NFIB: variants seen among roughly 807,000 people sequenced by gnomAD.
NFIB encodes the protein nuclear factor 1 B-type.
Under a neutral mutation model 61.5 loss-of-function variants are expected in NFIB, and 11 were observed. The observed-to-expected ratio is 0.18, with a 90% CI of 0.11 to 0.30. The LOEUF (loss-of-function observed/expected upper bound fraction) is 0.30. Among genes scored for constraint, NFIB ranks in the 10% least tolerant of loss-of-function variants. NFIB has a pLI of 1.00. For missense variants in NFIB, 471 were observed against 608.9 expected, an observed-to-expected ratio of 0.77 and a Z score of 2.38; for synonymous variants, 260 against 216.5, an observed-to-expected ratio of 1.20 and a Z score of -1.76.
At chr9:14,355,827 G>T (rs1454241421) in intron 1 of NFIB, among the ~76,000 whole-genome samples, 1 of 152,054 alleles carries the variant, frequency 6.6e-6, no homozygotes, top group Non-Finnish European at 1.5e-5. Context: ...CGTGGTGGCG[G>T]GTGCCTGTAG....
At chr9:14,424,071 A>G in the NFIB span, among the ~76,000 whole-genome samples, 2 of 152,102 alleles carry the variant, frequency 1.3e-5, no homozygotes, top group African/African-American at 4.8e-5. Flanking sequence ...AAGCTCTTTT[A>G]AGTTCCAGTC....
chr9:14,468,206 G>A, the NFIB span, among the ~76,000 whole-genome samples: 1 of 152,244 alleles, frequency 6.6e-6, no homozygotes, highest in Non-Finnish European at 1.5e-5. Context: ...GGTTGTATAA[G>A]AGAGTATTTA....
chr9:14,139,559 T>G (rs1051835270), intron 6 of NFIB, among the ~76,000 whole-genome samples: 4 of 152,182 alleles, frequency 2.6e-5, no homozygotes, highest in African/African-American at 9.7e-5. Flanking sequence ...TTTTTCAAAC[T>G]AATTATCTAT....
chr9:14,093,688 G>A (rs534058675), intron 10 of NFIB, among the ~76,000 whole-genome samples: 1 of 152,078 alleles, frequency 6.6e-6, no homozygotes, highest in Non-Finnish European at 1.5e-5. Flanking sequence ...AGCATTTCTT[G>A]TAAAATGCAC....
At chr9:14,376,039 T>C (rs4741366) in intron 1 of NFIB, among the ~76,000 whole-genome samples, 40,016 of 152,126 alleles carry the variant, frequency 0.26, 6,408 homozygotes, top group South Asian at 0.44. Context: ...TTCATTTGAG[T>C]AGTTTAAGCT....
intron 6 of NFIB, among the ~76,000 whole-genome samples, chr9:14,144,342 C>T (rs562626588): frequency 6.6e-6 from 1 of 152,100 alleles, no homozygotes; most frequent in Admixed American, 6.6e-5. Context: ...AGGTTATTAC[C>T]ATTAAAATCT....
chr9:14,479,247 A>AG, the NFIB span, among the ~76,000 whole-genome samples: 2 of 152,204 alleles, frequency 1.3e-5, no homozygotes, highest in Non-Finnish European at 2.9e-5. Context: ...GGGGGATTGC[A>AG]GGGGGCTCTG....
chr9:14,113,733 A>C (rs540101781), intron 9 of NFIB, among the ~76,000 whole-genome samples: 1 of 152,344 alleles, frequency 6.6e-6, no homozygotes, highest in Non-Finnish European at 1.5e-5. Context: ...TACAAAAATC[A>C]ATTACTTGTA....
At chr9:14,413,390 G>C in the NFIB span, among the ~76,000 whole-genome samples, 1 of 152,126 alleles carries the variant, frequency 6.6e-6, no homozygotes, top group Non-Finnish European at 1.5e-5. Context: ...TTTTTAGAGG[G>C]AATACATAGC....
intron 2 of NFIB, among the ~76,000 whole-genome samples, chr9:14,292,367 G>C (rs996534397): frequency 2.6e-5 from 4 of 151,942 alleles, no homozygotes; most frequent in African/African-American, 9.7e-5. Context: ...GTTAACTATT[G>C]GACTTTGAAA....
the NFIB span, among the ~76,000 whole-genome samples, chr9:14,461,389 C>A: frequency 6.6e-6 from 1 of 152,176 alleles, no homozygotes; most frequent in African/African-American, 2.4e-5. Flanking sequence ...ATAGATGTGT[C>A]ATAGCCAACT....
At chr9:14,449,083 T>G in the NFIB span, among the ~76,000 whole-genome samples, 1 of 152,218 alleles carries the variant, frequency 6.6e-6, no homozygotes, top group East Asian at 1.9e-4. Context: ...TTGATGCAAT[T>G]TGATGCAATT....
chr9:14,446,571 G>C, the NFIB span, among the ~76,000 whole-genome samples: 8 of 151,676 alleles, frequency 5.3e-5, no homozygotes, highest in Non-Finnish European at 5.9e-5. Context: ...TCTACTTTTG[G>C]TTTGTAGCAG....
chr9:14,370,096 G>A (rs1014299443), intron 1 of NFIB, among the ~76,000 whole-genome samples: 2 of 152,086 alleles, frequency 1.3e-5, no homozygotes, highest in African/African-American at 2.4e-5. Flanking sequence ...TACATTTTAC[G>A]ACTTTGTGCC....
At chr9:14,479,894 A>C in the NFIB span, among the ~76,000 whole-genome samples, 2 of 152,134 alleles carry the variant, frequency 1.3e-5, no homozygotes, top group African/African-American at 2.4e-5. Flanking sequence ...ATCTGAAATT[A>C]GATAGCAGTG....
At chr9:14,226,477 G>C (rs968130508) in intron 2 of NFIB, among the ~76,000 whole-genome samples, 2 of 151,540 alleles carry the variant, frequency 1.3e-5, no homozygotes, top group African/African-American at 2.4e-5. Flanking sequence ...GAACGCATGC[G>C]GTGGTGCCTG....
chr9:14,413,434 G>A, the NFIB span, among the ~76,000 whole-genome samples: 3 of 152,164 alleles, frequency 2.0e-5, no homozygotes, highest in Admixed American at 2.0e-4. Context: ...AGGGCCTTGA[G>A]TGTGAAACAG....
the NFIB span, among the ~76,000 whole-genome samples, chr9:14,428,053 C>G: frequency 6.9e-6 from 1 of 144,284 alleles, no homozygotes; most frequent in Non-Finnish European, 1.5e-5. Context: ...TCAGGTGATC[C>G]TCCCACCTCA....
chr9:14,149,222 G>C (rs903268741), intron 5 of NFIB, among the ~76,000 whole-genome samples: 1 of 152,106 alleles, frequency 6.6e-6, no homozygotes, highest in Non-Finnish European at 1.5e-5. Flanking sequence ...ATATAAAATT[G>C]ATCTTAGTTT....
Sources: gnomAD v4.1 joint callset for allele counts (sites outside exome capture counted in the v4.1 genomes callset) on GRCh38, gnomAD v4.1.1 for gene constraint, MANE v1.5 for transcripts, NCBI Gene and HGNC (gene_info 2026-07-23, HGNC 2026-07-21) for gene names.